NUP155: variants seen among roughly 807,000 people sequenced by gnomAD.
The protein encoded by NUP155 is nuclear pore complex protein Nup155.
A neutral mutation model predicts 180.4 loss-of-function variants in NUP155; 71 were observed. The ratio of observed to expected loss-of-function variants is 0.39; its 90% CI spans 0.33 to 0.48. NUP155 has a LOEUF of 0.48. Ranked by LOEUF, NUP155 falls within the 20% of genes least tolerant of loss-of-function variation. The pLI is 0.91. For missense variants in NUP155, 1,553 were observed against 1,648.9 expected, an observed-to-expected ratio of 0.94 and a Z score of 1.01; for synonymous variants, 582 against 559.5, an observed-to-expected ratio of 1.04 and a Z score of -0.57.
chr5:37,305,877 A>G (rs904799663), intron 25 of NUP155, among the ~76,000 whole-genome samples: 1 of 151,080 alleles, frequency 6.6e-6, no homozygotes, highest in Admixed American at 6.6e-5. Context: ...TGTCTCAAAA[A>G]CAAAAAACAA....
chr5:37,363,645 T>C lies in NUP155; in HGVS notation c.392+243A>G, dbSNP rs554008315. Among the ~76,000 whole-genome samples the C allele has an allele frequency of 7.2e-5, 11 of 152,310 alleles. No homozygotes were observed. In the East Asian group the frequency reaches 1.9e-3, roughly 27 times the overall value. ...GACCCGGGCTCCTGCCACTCAAGAA[T>C]GGCACCTAAACCAGCAGCAGCAGTT... On this transcript the variant is annotated intron_variant, in intron 3 of 34. Coordinates refer to ENST00000231498, the MANE Select transcript of NUP155 (RefSeq NM_153485.3).
intron 20 of NUP155, among the ~76,000 whole-genome samples, chr5:37,319,422 G>A (rs1016222674): frequency 2.0e-5 from 3 of 152,152 alleles, no homozygotes; most frequent in South Asian, 2.1e-4. Flanking sequence ...AGGGTTGGTC[G>A]AAATTAGGAC....
chr5:37,329,930 T>C, intron 15 of NUP155, 108 bp downstream of exon 15: 1 of 784,042 alleles, frequency 1.3e-6, no homozygotes, highest in East Asian at 2.7e-5. Flanking sequence ...GTAATTTGCC[T>C]ACATAGTCAC....
At chr5:37,301,823 A>G (rs147852285) in intron 29 of NUP155, among the ~76,000 whole-genome samples, 20 of 152,304 alleles carry the variant, frequency 1.3e-4, no homozygotes, top group Non-Finnish European at 1.8e-4. Flanking sequence ...CCTCCTCTGT[A>G]GGGGAGGTAT....
chr5:37,314,157 T>C lies in NUP155; in HGVS notation c.2436+41A>G, dbSNP rs767122829. Reference sequence around the variant, plus strand: ...AATACTCATCCAAAAAATCCAAACATAGTATTAATGGTATAATCATAAAAA... The same window carrying C: ...AATACTCATCCAAAAAATCCAAACACAGTATTAATGGTATAATCATAAAAA... On this transcript the variant is annotated intron_variant, in intron 22 of 34. Coordinates refer to ENST00000231498, the MANE Select transcript of NUP155 (RefSeq NM_153485.3). 20 of 1,423,672 alleles carry C rather than the reference T, an allele frequency of 1.4e-5. No individual in the cohort carries two copies. The South Asian group carries it at 1.8e-4, about 13-fold the overall frequency. The allele number at this position is 1,423,672 out of a possible 1,614,324, so 88.2% of individuals were successfully genotyped here. A position where few individuals can be genotyped will look rare whatever the true frequency, so the allele number is the denominator to read the frequency against.
chr5:37,325,304 C>T (rs1744517711), intron 19 of NUP155, among the ~76,000 whole-genome samples: 1 of 152,110 alleles, frequency 6.6e-6, no homozygotes, highest in South Asian at 2.1e-4. Flanking sequence ...TGAGTTATCC[C>T]TCATGACAAC....
intron 6 of NUP155, 31 bp downstream of exon 6, chr5:37,351,159 A>G (rs775186470): frequency 2.7e-5 from 43 of 1,575,622 alleles, no homozygotes; most frequent in Admixed American, 3.4e-5. Flanking sequence ...ATCAAGAGAG[A>G]AAAAAAAACG....
At position 37,351,311 on chromosome 5, in the gene NUP155, A is replaced by C; in HGVS notation, c.602T>G (p.Leu201Arg). 6.2e-7 allele frequency: 1 copy of C among 1,613,098 alleles called. No homozygotes were observed. The highest frequency in any genetic ancestry group is 8.5e-7 in the Non-Finnish European group (1 of 1,179,224). ...AGGAAGAGAATATAAAGGATCTGGA[A>C]GCAACTGCATTCCACCAGACAAACT... ...NDSLSGGMQL[L>R]PDPLYSLPTD... Residue 201 changes from leucine (L) to arginine (R), a missense_variant, in exon 6 of 35, where the codon CTT (leucine) becomes CGT (arginine). Leu to Arg is a moderately radical substitution (Grantham distance 102). Transcript: ENST00000231498.
At chr5:37,354,457 C>CTTT (rs34505360) in intron 4 of NUP155, among the ~76,000 whole-genome samples, 3 of 115,024 alleles carry the variant, frequency 2.6e-5, no homozygotes, top group East Asian at 2.7e-4. Flanking sequence ...TTTATTTCTT[C>CTTT]TTTTTTTTTT....
intron 22 of NUP155, 56 bp downstream of exon 22, chr5:37,314,142 C>CA (rs1432589050): frequency 1.5e-6 from 2 of 1,322,104 alleles, no homozygotes; most frequent in Non-Finnish European, 2.1e-6. Flanking sequence ...AATACTCATC[C>CA]AAAAAATCCA....
chr5:37,362,168 AACTAC>A (rs1441615171), intron 3 of NUP155, among the ~76,000 whole-genome samples: 4 of 152,208 alleles, frequency 2.6e-5, no homozygotes, highest in Non-Finnish European at 5.9e-5. Flanking sequence ...ATGAGGGCAG[AACTAC>A]ATTCATCTCA....
At chr5:37,329,376 G>T in intron 15 of NUP155, 98 bp from the exon 16 acceptor site, 1 of 879,530 alleles carries the variant, frequency 1.1e-6, no homozygotes, top group Non-Finnish European at 1.9e-6. Context: ...CCAAGTAAAT[G>T]CTTTAAACAT....
intron 9 of NUP155, among the ~76,000 whole-genome samples, chr5:37,344,768 A>G (rs1745966250): frequency 6.6e-6 from 1 of 151,182 alleles, no homozygotes; most frequent in Admixed American, 6.6e-5. Flanking sequence ...GCTACCCGGG[A>G]GGCCGAGGCA....
rs1356639310 is a variant in NUP155 at position 37,289,744 on chromosome 5, G to C, written c.*2156C>G. ...GAGTATATATAACAACATATTGCTAGTATGTAAATGTGCTTAAAACAAAAA... is the reference window on the plus strand; with the variant it reads ...GAGTATATATAACAACATATTGCTACTATGTAAATGTGCTTAAAACAAAAA... On this transcript the variant is annotated 3_prime_UTR_variant, in exon 35 of 35. Coordinates refer to ENST00000231498, the MANE Select transcript of NUP155 (RefSeq NM_153485.3). 1 of 152,164 alleles carries C rather than the reference G, an allele frequency of 6.6e-6. No individual in the cohort carries two copies. The highest frequency in any genetic ancestry group is 1.5e-5 in the Non-Finnish European group (1 of 68,028). 9.4% of individuals were successfully genotyped at this position (152,164 alleles called of 1,614,324 possible). A position where few individuals can be genotyped will look rare whatever the true frequency, so the allele number is the denominator to read the frequency against.
chr5:37,358,019 T>G, intron 4 of NUP155, 62 bp downstream of exon 4: 1 of 1,132,146 alleles, frequency 8.8e-7, no homozygotes, highest in Non-Finnish European at 1.3e-6. Context: ...GTTGTTCAGG[T>G]CTATACCATT....
At chr5:37,321,825 AGT>A (rs1744264473) in intron 20 of NUP155, among the ~76,000 whole-genome samples, 1 of 152,152 alleles carries the variant, frequency 6.6e-6, no homozygotes, top group Admixed American at 6.6e-5. Context: ...CTTTTAAAGA[AGT>A]GTATATTTAT....
intron 21 of NUP155, among the ~76,000 whole-genome samples, chr5:37,314,998 G>C (rs577319620): frequency 1.3e-5 from 2 of 152,196 alleles, no homozygotes; most frequent in Non-Finnish European, 2.9e-5. Context: ...TTGGGAGGCC[G>C]AGTTGGGCGG....
chr5:37,339,407 T>A (rs964058562), intron 11 of NUP155, among the ~76,000 whole-genome samples: 1 of 151,060 alleles, frequency 6.6e-6, no homozygotes, highest in Non-Finnish European at 1.5e-5. Flanking sequence ...GTGGTAGGAC[T>A]GCTTGAGCCC....
intron 3 of NUP155, among the ~76,000 whole-genome samples, chr5:37,359,649 C>T (rs1561813982): frequency 6.6e-6 from 1 of 152,098 alleles, no homozygotes; most frequent in Non-Finnish European, 1.5e-5. Flanking sequence ...TACTTACTTA[C>T]AGTATCTACT....
Sources: allele counts gnomAD v4.1 joint callset (sites outside exome capture counted in the v4.1 genomes callset), GRCh38; gene constraint gnomAD v4.1.1; transcripts MANE v1.5; gene names NCBI Gene and HGNC (gene_info 2026-07-23, HGNC 2026-07-21).